The following TCHH variants were observed in gnomAD, a reference collection of about 807,000 sequenced individuals.
TCHH encodes the protein trichohyalin.
In TCHH, 6 loss-of-function variants were observed where a neutral mutation model predicts 6.3. That is an observed-to-expected ratio of 0.95 (90% CI 0.52 to 1.88). TCHH has a LOEUF of 1.88. TCHH is among the 40% of genes most tolerant of loss of function. The pLI is 0.01. For missense variants in TCHH, 2,920 were observed against 2,449.1 expected, an observed-to-expected ratio of 1.19 and a Z score of -4.06; for synonymous variants, 1,087 against 963.6, an observed-to-expected ratio of 1.13 and a Z score of -2.37.
rs1299008480 is a variant in TCHH at position 152,113,934 on chromosome 1, A to T, written c.138+9T>A. ...AGTCAATAGATCTCATTTTCTTGTTAGTTCTTACCCGAAGCACAGCTCCAA... is the reference window on the plus strand; with the variant it reads ...AGTCAATAGATCTCATTTTCTTGTTTGTTCTTACCCGAAGCACAGCTCCAA... On this transcript the variant is annotated intron_variant, in intron 2 of 2. Transcript: ENST00000614923. 53 of 1,607,020 alleles carry T rather than the reference A, an allele frequency of 3.3e-5. No homozygotes were observed. The highest frequency in any genetic ancestry group is 4.3e-5 in the Non-Finnish European group (51 of 1,178,112).
Position 152,109,106 on chromosome 1 carries a change from C to A in TCHH, c.4111G>T (p.Glu1371Ter). The change falls in exon 3 of 3, where the codon GAA (glutamate) becomes TAA (stop). Residue 1371 changes from glutamate to a stop codon, truncating the protein, a stop_gained. Transcript: ENST00000614923. LOFTEE classifies it low-confidence loss of function (END_TRUNC). ...KFREEELRHQEQGRKFLEEEQ... is the reference protein window; with the variant it reads ...KFREEELRHQ ...TCCTCGAGGAATTTTCTCCCTTGTT[C>A]CTGATGGCGCAGTTCCTCTTCGCGG... is the stretch of plus-strand genomic sequence containing the variant. 1 of 1,613,108 alleles carries A rather than the reference C, an allele frequency of 6.2e-7. No individual in the cohort carries two copies. Among genetic ancestry groups the A allele is most frequent in the South Asian group, 1.1e-5 (1 of 91,000 alleles).
chr1:152,110,934 C>G lies in TCHH; in HGVS notation c.2283G>C (p.Glu761Asp). ...GCCATGTGAAGTCCCGGCGCTGCTC[C>G]TCTTCCTGCTGCTGCCGGTGAGCCC... ...EERAHRQQQE[E>D]EQRRDFTWQW... Residue 761 changes from glutamate (E) to aspartate (D), a missense_variant, in exon 3 of 3, where the codon GAG becomes GAC. Glu to Asp is a conservative substitution (Grantham distance 45, BLOSUM62 2). Coordinates refer to ENST00000614923, the MANE Select transcript of TCHH (RefSeq NM_007113.4). 1 of 1,613,364 alleles carries G rather than the reference C, an allele frequency of 6.2e-7. No homozygotes were observed. The highest frequency in any genetic ancestry group is 8.5e-7 in the Non-Finnish European group (1 of 1,180,018).
rs201698147 is a variant in TCHH, at chr1:152,108,880, C to G, written c.4337G>C (p.Arg1446Thr). The G allele has an allele frequency of 5.0e-6, 8 of 1,609,988 alleles. No individual in the cohort carries two copies. Among genetic ancestry groups the G allele is most frequent in the Non-Finnish European group, 6.8e-6 (8 of 1,179,100 alleles). Residue 1446 changes from arginine to threonine, a missense_variant, in exon 3 of 3, where the codon AGA becomes ACA. By Grantham distance (71) the Arg-to-Thr change is moderately conservative (BLOSUM62 -1). Transcript: ENST00000614923. ...EQQVRRQERE[R>T]KFLEEEQQLR... ...CTGCTGTTCCTCCTCCAGGAATTTT[C>G]TCTCTCGTTCCTGGCGGCGCACCTG...
rs1368404845 is a variant in TCHH at position 152,109,853 on chromosome 1, G to C, written c.3364C>G (p.Gln1122Glu). ...TTCTCCCGTTCCTCTCTCAGCAGCT[G>C]CTCTTCCTCCTGCTGCAGCTCCTCT... ...EEEELQQEEE[Q>E]LLREEREKRR... The change falls in exon 3 of 3, where the codon CAG becomes GAG. Residue 1122 changes from glutamine (Q) to glutamate (E), a missense_variant. Physicochemically the swap from Gln to Glu is conservative, Grantham distance 29. Transcript: ENST00000614923. 1 of 1,604,980 alleles carries C rather than the reference G, an allele frequency of 6.2e-7. No homozygotes were observed. Among genetic ancestry groups the C allele is most frequent in the Non-Finnish European group, 8.5e-7 (1 of 1,177,586 alleles).
intron 1 of TCHH, 144 bp from the exon 2 acceptor site, chr1:152,114,255 T>TGAATTTTGTATCA: frequency 3.3e-6 from 2 of 598,666 alleles, no homozygotes; most frequent in Non-Finnish European, 5.6e-6. Flanking sequence ...CTTTAATATT[T>TGAATTTTGTATCA]GAATATTGTA....
rs1658107787 is a variant in TCHH at position 152,106,532 on chromosome 1, T to C, written c.*853A>G. 1 of 152,182 alleles carries C rather than the reference T, an allele frequency of 6.6e-6. No homozygotes were observed. The highest frequency in any genetic ancestry group is 2.4e-5 in the African/African-American group (1 of 41,428). 9.4% of individuals were successfully genotyped at this position (152,182 alleles called of 1,614,324 possible). On this transcript the variant is annotated 3_prime_UTR_variant, in exon 3 of 3. Transcript: ENST00000614923. ...TTGGCCCTAGAGTAAGACAGATGTTTATGGGATTCTGAGCAGCTTCCTTCT... is the reference window on the plus strand; with the variant it reads ...TTGGCCCTAGAGTAAGACAGATGTTCATGGGATTCTGAGCAGCTTCCTTCT...
In TCHH at chr1:152,109,460, A is replaced by G. The variant is rs980835507; in HGVS notation, c.3757T>C (p.Leu1253=). The change falls in exon 3 of 3, where the codon TTG becomes CTG. Residue 1253 remains leucine (L), a synonymous_variant. Coordinates refer to ENST00000614923, the MANE Select transcript of TCHH (RefSeq NM_007113.4). ...KGRENEQFRQ[L]EDSQLRDRQS... is the part of the protein sequence containing the mutation. ...CTGTCGCGCAGCTGGGAATCTTCCA[A>G]CTGCCGGAACTGTTCATTCTCTCTG... is the stretch of plus-strand genomic sequence containing the variant. 6 of 1,614,266 alleles carry G rather than the reference A, an allele frequency of 3.7e-6. No homozygotes were observed. Among genetic ancestry groups the G allele is most frequent in the Non-Finnish European group, 4.2e-6 (5 of 1,180,050 alleles).
chr1:152,115,245 G>A (rs1360626795), intron 1 of TCHH, 146 bp downstream of exon 1: 2 of 152,154 alleles, frequency 1.3e-5, no homozygotes, highest in Non-Finnish European at 2.9e-5. Flanking sequence ...TAAGAAGATG[G>A]GATAGAGTTA....
Position 152,111,254 on chromosome 1 carries a change from G to A in TCHH, c.1963C>T (p.Arg655Cys), listed in dbSNP as rs1273193875. The A allele has an allele frequency of 1.9e-6, 3 of 1,602,158 alleles. No homozygotes were observed. The highest frequency in any genetic ancestry group is 1.7e-5 in the Admixed American group (1 of 58,966). ...TCCTCGCGCTTCAGCCGCTGCTCGCGCCTTTCCTGCTGCTCGCGCCTTAGT... is the reference window on the plus strand; with the variant it reads ...TCCTCGCGCTTCAGCCGCTGCTCGCACCTTTCCTGCTGCTCGCGCCTTAGT... The part of the protein sequence containing the change: ...QQLRREQQER[R>C]EQRLKREEEE... Residue 655 changes from arginine to cysteine, a missense_variant, in exon 3 of 3, where the codon CGC becomes TGC. Arg to Cys is a radical substitution (Grantham distance 180). Coordinates refer to ENST00000614923, the MANE Select transcript of TCHH (RefSeq NM_007113.4).
At position 152,112,368 on chromosome 1, in the gene TCHH, C is replaced by G. The variant is rs757811049; in HGVS notation, c.849G>C (p.Arg283=). The G allele has an allele frequency of 5.0e-6, 8 of 1,613,700 alleles. No individual in the cohort carries two copies. The highest frequency in any genetic ancestry group is 6.8e-6 in the Non-Finnish European group (8 of 1,180,006). Residue 283 remains arginine (R), a synonymous_variant, in exon 3 of 3, where the codon CGG becomes CGC. Transcript: ENST00000614923. Reference sequence around the variant, plus strand: ...CCTGGCGCTCCCTCCTCAGCTCTTGCCGCTCCAGCTTCCGTAGCTGCTCTT... The same window carrying G: ...CCTGGCGCTCCCTCCTCAGCTCTTGGCGCTCCAGCTTCCGTAGCTGCTCTT... ...EEEEQLRKLE[R]QELRRERQEE...
Position 152,108,087 on chromosome 1 carries a change from G to A in TCHH, c.5130C>T (p.Leu1710=), listed in dbSNP as rs1442908902. The A allele has an allele frequency of 6.8e-6, 11 of 1,609,098 alleles. No individual in the cohort carries two copies. The highest frequency in any genetic ancestry group is 9.3e-6 in the Non-Finnish European group (11 of 1,178,544). Reference sequence around the variant, plus strand: ...GGCGGCGCAGCTGCTGTTCCTCCTGGAGGAATTTTCTCTCTCGTTCCTGAC... The same window carrying A: ...GGCGGCGCAGCTGCTGTTCCTCCTGAAGGAATTTTCTCTCTCGTTCCTGAC... The part of the protein sequence containing the change: ...LRRQERERKF[L]QEEQQLRRQE... The change falls in exon 3 of 3, where the codon CTC becomes CTT. Residue 1710 remains leucine (L), a synonymous_variant. Coordinates refer to ENST00000614923, the MANE Select transcript of TCHH (RefSeq NM_007113.4).
Position 152,108,841 on chromosome 1 carries a change from C to G in TCHH, c.4376G>C (p.Arg1459Pro), listed in dbSNP as rs1166209739. 8 of 1,600,568 alleles carry G rather than the reference C, an allele frequency of 5.0e-6. No individual in the cohort carries two copies. The highest frequency in any genetic ancestry group is 2.2e-5 in the South Asian group (2 of 90,446). Residue 1459 changes from arginine to proline, a missense_variant, in exon 3 of 3, where the codon CGT (arginine) becomes CCT (proline). By Grantham distance (103) the Arg-to-Pro change is moderately radical. Coordinates refer to ENST00000614923, the MANE Select transcript of TCHH (RefSeq NM_007113.4). Reference protein sequence around the residue: ...LEEEQQLRQERHRKFREEEQL... With the variant: ...LEEEQQLRQEPHRKFREEEQL... ...TTCCTCTTCGCGGAATTTTCTGTGA[C>G]GCTCCTGGCGCAGCTGCTGTTCCTC...
rs748580600 is a variant in TCHH, at chr1:152,112,278, C to G, written c.939G>C (p.Glu313Asp). ...EQQLRRKQEE[E>D]RREQQEERRE... The stretch of plus-strand genomic sequence containing the variant: ...GCCTCTCCTCCTGCTGCTCGCGCCT[C>G]TCCTCCTCCTGCTTGCGCCTTAGTT... The change falls in exon 3 of 3, where the codon GAG (glutamate) becomes GAC (aspartate). Residue 313 changes from glutamate to aspartate, a missense_variant. Transcript: ENST00000614923. The G allele has an allele frequency of 1.3e-5, 21 of 1,607,896 alleles. No homozygotes were observed. The highest frequency in any genetic ancestry group is 1.7e-5 in the Non-Finnish European group (20 of 1,179,218).
chr1:152,107,325 G>C lies in TCHH; in HGVS notation c.*60C>G, dbSNP rs1658130951. 1 of 1,450,180 alleles carries C rather than the reference G, an allele frequency of 6.9e-7. No individual in the cohort carries two copies. Among genetic ancestry groups the C allele is most frequent in the Non-Finnish European group, 9.3e-7 (1 of 1,077,456 alleles). The allele number at this position is 1,450,180 out of a possible 1,614,324, so 89.8% of individuals were successfully genotyped here. A position where few individuals can be genotyped will look rare whatever the true frequency, so the allele number is the denominator to read the frequency against. ...CATCTGAGTTATCACTTGGTACCCA[G>C]TGTTTCTCATTTTCCCGTGCTCGAA... On this transcript the variant is annotated 3_prime_UTR_variant, in exon 3 of 3. Coordinates refer to ENST00000614923, the MANE Select transcript of TCHH (RefSeq NM_007113.4).
chr1:152,106,725 GT>G lies in TCHH; in HGVS notation c.*659del, dbSNP rs936129762. ...AGATTATGTGTTTAAGTGGAGTTGA[GT>G]TTAAAAAAAATCTAATTTAAATTCT... On this transcript the variant is annotated 3_prime_UTR_variant, in exon 3 of 3. Transcript: ENST00000614923. The G allele has an allele frequency of 2.6e-5, 4 of 152,098 alleles. No individual in the cohort carries two copies. Among genetic ancestry groups the G allele is most frequent in the Non-Finnish European group, 4.4e-5 (3 of 68,020 alleles). The allele number at this position is 152,098 out of a possible 1,614,324, so 9.4% of individuals were successfully genotyped here. A position where few individuals can be genotyped will look rare whatever the true frequency, so the allele number is the denominator to read the frequency against.
In TCHH at chr1:152,110,438, C is replaced by T; in HGVS notation, c.2779G>A (p.Glu927Lys). ...TGCTCTTCCTCGCGGTATTGTCTCT[C>T]CTGTTCTTGGCGCCTTCTCTTCTCG... The part of the protein sequence containing the change: ...EREKRRRQEQ[E>K]RQYREEEQLQ... Residue 927 changes from glutamate to lysine, a missense_variant, in exon 3 of 3, where the codon GAG becomes AAG. Physicochemically the swap from Glu to Lys is moderately conservative, Grantham distance 56. Coordinates refer to ENST00000614923, the MANE Select transcript of TCHH (RefSeq NM_007113.4). 6.2e-7 allele frequency: 1 copy of T among 1,614,146 alleles called. No individual in the cohort carries two copies. The highest frequency in any genetic ancestry group is 8.5e-7 in the Non-Finnish European group (1 of 1,180,038).
chr1:152,108,012 C>G lies in TCHH; in HGVS notation c.5205G>C (p.Thr1735=), dbSNP rs1030591505. The G allele has an allele frequency of 1.9e-6, 3 of 1,613,642 alleles. No homozygotes were observed. Among genetic ancestry groups the G allele is most frequent in the Non-Finnish European group, 2.5e-6 (3 of 1,179,922 alleles). ...FREEEQLRQE[T]EQEQLRRQER... The stretch of plus-strand genomic sequence containing the variant: ...CTTGGCGGCGCAGCTGCTCTTGCTC[C>G]GTTTCTTGGCGCAGCTGTTCCTCCT... Residue 1735 remains threonine (T), a synonymous_variant, in exon 3 of 3, where the codon ACG becomes ACC. Coordinates refer to ENST00000614923, the MANE Select transcript of TCHH (RefSeq NM_007113.4).
rs1462387683 is a variant in TCHH, at chr1:152,108,959, C to T, written c.4258G>A (p.Glu1420Lys). The stretch of plus-strand genomic sequence containing the variant: ...CGCTCTTGGCGGCTCAGCTGCTGTT[C>T]CTCCTCGCGGAATTTTCTGTCGCGG... Reference protein sequence around the residue: ...QDRDRKFREEEQQLSRQERDR... With the variant: ...QDRDRKFREEKQQLSRQERDR... The change falls in exon 3 of 3, where the codon GAA becomes AAA. Residue 1420 changes from glutamate (E) to lysine (K), a missense_variant. Physicochemically the swap from Glu to Lys is moderately conservative, Grantham distance 56. Coordinates refer to ENST00000614923, the MANE Select transcript of TCHH (RefSeq NM_007113.4). 1.2e-6 allele frequency: 2 copies of T among 1,613,518 alleles called. No individual in the cohort carries two copies. The highest frequency in any genetic ancestry group is 2.7e-5 in the African/African-American group (2 of 74,774).
At position 152,108,352 on chromosome 1, in the gene TCHH, C is replaced by T; in HGVS notation, c.4865G>A (p.Arg1622His). The change falls in exon 3 of 3, where the codon CGC becomes CAC. Residue 1622 changes from arginine to histidine, a missense_variant. Arg to His is a conservative substitution (Grantham distance 29). Transcript: ENST00000614923. ...TTCCTGGAGCAGCTGTTCGTCTTCG[C>T]GGAATTTTCTGTCGCGCTCCTGGCG... Reference protein sequence around the residue: ...QLRQERDRKFREDEQLLQERE... With the variant: ...QLRQERDRKFHEDEQLLQERE... 6.2e-7 allele frequency: 1 copy of T among 1,610,308 alleles called. No homozygotes were observed. Among genetic ancestry groups the T allele is most frequent in the Non-Finnish European group, 8.5e-7 (1 of 1,178,688 alleles).
Sources: allele counts gnomAD v4.1 joint callset, GRCh38; gene constraint gnomAD v4.1.1; transcripts MANE v1.5; gene names NCBI Gene and HGNC (gene_info 2026-07-23, HGNC 2026-07-21).